ANO1: variants seen among roughly 807,000 people sequenced by gnomAD.
ANO1 encodes anoctamin 1, also known as anoctamin-1.
A neutral mutation model predicts 124.0 loss-of-function variants in ANO1; 59 were observed. The ratio of observed to expected loss-of-function variants is 0.48; its 90% CI spans 0.39 to 0.59. ANO1 has a LOEUF of 0.59. ANO1 is among the 20% of genes least tolerant of loss of function. The pLI, the probability that ANO1 is intolerant of heterozygous loss-of-function variation, is 0.00. For synonymous variants in ANO1, 529 were observed against 532.0 expected (o/e 0.99, Z 0.08); for missense variants, 1,059 against 1,328.0 (o/e 0.80, Z 3.15).
rs143216808 is a variant in ANO1 at position 70,120,363 on chromosome 11, C to T, written c.897+3864C>T. ...GAACCCCAGGTGAGCAAGGCACGCC[C>T]CCAGAGCTGTCTTTGGATGTGCAGA... On this transcript the variant is annotated intron_variant, in intron 8 of 25. Coordinates refer to ENST00000355303, the MANE Select transcript of ANO1 (RefSeq NM_018043.7). 8.4e-4 allele frequency among the ~76,000 whole-genome samples: 128 copies of T among 152,234 alleles called. 2 individuals carry two copies. The East Asian group carries it at 0.023, about 28-fold the overall frequency.
the ANO1 span, among the ~76,000 whole-genome samples, chr11:69,967,881 C>G: frequency 6.6e-6 from 1 of 152,210 alleles, no homozygotes; most frequent in Non-Finnish European, 1.5e-5. Context: ...GGGTAGTTCA[C>G]TCCCCTCTCT....
At chr11:70,110,725 A>G (rs2045743102) in intron 6 of ANO1, among the ~76,000 whole-genome samples, 1 of 152,110 alleles carries the variant, frequency 6.6e-6, no homozygotes, top group South Asian at 2.1e-4. Flanking sequence ...ACTGCCTAGG[A>G]AGCCTCTTCA....
intron 1 of ANO1, among the ~76,000 whole-genome samples, chr11:70,005,536 C>T (rs529007746): frequency 6.6e-6 from 1 of 152,318 alleles, no homozygotes; most frequent in African/African-American, 2.4e-5. Flanking sequence ...AACATGGCCT[C>T]ATTGTTGATC....
In ANO1 at chr11:70,078,660, C is replaced by T. The variant is rs2044103432; in HGVS notation, c.54C>T (p.His18=). The change falls in exon 1 of 26, where the codon CAC becomes CAT. Residue 18 remains histidine (H), a synonymous_variant. Coordinates refer to ENST00000355303, the MANE Select transcript of ANO1 (RefSeq NM_018043.7). ...TCCCGGCCGAGGACCGCAGCGTCCA[C>T]ATCATCAACATCTGCGCCATCGAGG... The part of the protein sequence containing the change: ...STLPAEDRSV[H]IINICAIEDI... 1.3e-6 allele frequency: 2 copies of T among 1,501,068 alleles called. No individual in the cohort carries two copies. The highest frequency in any genetic ancestry group is 1.8e-6 in the Non-Finnish European group (2 of 1,114,580). The allele number at this position is 1,501,068 out of a possible 1,614,324, so 93.0% of individuals were successfully genotyped here.
At chr11:70,058,613 C>A (rs985648744) in intron 1 of ANO1, among the ~76,000 whole-genome samples, 1 of 152,180 alleles carries the variant, frequency 6.6e-6, no homozygotes, top group Non-Finnish European at 1.5e-5. Flanking sequence ...GTGTCTGGAA[C>A]AAGGTTGGGG....
At chr11:70,033,415 A>G (rs1857039182) in intron 1 of ANO1, among the ~76,000 whole-genome samples, 2 of 152,134 alleles carry the variant, frequency 1.3e-5, no homozygotes, top group African/African-American at 4.8e-5. Flanking sequence ...ACTCCTGCCT[A>G]TGAGGGTCTG....
intron 1 of ANO1, among the ~76,000 whole-genome samples, chr11:70,044,059 G>T (rs1196930557): frequency 2.0e-5 from 3 of 151,926 alleles, no homozygotes; most frequent in African/African-American, 4.8e-5. Flanking sequence ...AGGAAGGAGA[G>T]AAATGGAAGT....
At chr11:70,156,836 G>A (rs2047834505) in intron 15 of ANO1, 111 bp from the exon 16 acceptor site, 1 of 902,580 alleles carries the variant, frequency 1.1e-6, no homozygotes, top group South Asian at 1.6e-5. Context: ...TATTTCTGTT[G>A]TTCAAGTTGT....
chr11:70,071,301 A>G (rs1239328343), intron 1 of ANO1, among the ~76,000 whole-genome samples: 1 of 152,254 alleles, frequency 6.6e-6, no homozygotes, highest in Non-Finnish European at 1.5e-5. Context: ...ATGAGCCCAC[A>G]GGTTACAAAG....
At chr11:70,174,289 A>G (rs1234664692) in intron 22 of ANO1, among the ~76,000 whole-genome samples, 1 of 150,362 alleles carries the variant, frequency 6.7e-6, no homozygotes, top group African/African-American at 2.4e-5. Flanking sequence ...CCAGCTACTC[A>G]GGAGGCTGAG....
chr11:70,076,492 G>C (rs115995847), upstream of ANO1, among the ~76,000 whole-genome samples: 2 of 151,710 alleles, frequency 1.3e-5, no homozygotes, highest in African/African-American at 4.8e-5. Context: ...GTTGGCACTC[G>C]AACACAAATT....
chr11:70,178,767 T>C (rs1318925189), intron 22 of ANO1, among the ~76,000 whole-genome samples: 1 of 152,248 alleles, frequency 6.6e-6, no homozygotes, highest in Non-Finnish European at 1.5e-5. Flanking sequence ...TTTTGCCATA[T>C]TGGCGAGGCT....
chr11:69,999,909 AG>A (rs782678439), intron 1 of ANO1, among the ~76,000 whole-genome samples: 17 of 152,096 alleles, frequency 1.1e-4, no homozygotes, highest in Non-Finnish European at 8.8e-5. Flanking sequence ...TGAGAGTACT[AG>A]GGGTTTCCCT....
intron 2 of ANO1, among the ~76,000 whole-genome samples, chr11:70,091,478 A>G (rs2044622421): frequency 6.6e-6 from 1 of 152,160 alleles, no homozygotes; most frequent in South Asian, 2.1e-4. Flanking sequence ...CAAGTTGTGA[A>G]AGCAAACCAG....
At chr11:70,049,128 G>T (rs1857308401) in intron 1 of ANO1, among the ~76,000 whole-genome samples, 1 of 152,160 alleles carries the variant, frequency 6.6e-6, no homozygotes, top group Non-Finnish European at 1.5e-5. Context: ...AATCTAAGAT[G>T]CATAAAGATG....
At chr11:70,051,402 A>G (rs1190840467) in intron 1 of ANO1, among the ~76,000 whole-genome samples, 3 of 152,234 alleles carry the variant, frequency 2.0e-5, no homozygotes, top group Non-Finnish European at 4.4e-5. Context: ...CCTATGTAAC[A>G]GTGAAATTTC....
At chr11:70,073,038 GC>G (rs782301176) in intron 1 of ANO1, 1 of 152,266 alleles carries the variant, frequency 6.6e-6, no homozygotes, top group East Asian at 1.9e-4. Context: ...GAAGCCGCCC[GC>G]CTCTGCGAGA....
At chr11:70,063,767 G>A (rs1453945691) in intron 1 of ANO1, 2 of 152,318 alleles carry the variant, frequency 1.3e-5, no homozygotes, top group Admixed American at 1.3e-4. Flanking sequence ...GACATGAAGG[G>A]ACACGCCTCA....
At chr11:69,999,120 G>A (rs1006640278) in intron 1 of ANO1, among the ~76,000 whole-genome samples, 1 of 151,998 alleles carries the variant, frequency 6.6e-6, no homozygotes, top group African/African-American at 2.4e-5. Context: ...AGGTTGAATT[G>A]GCTCACGGTT....
Sources: allele counts gnomAD v4.1 joint callset (sites outside exome capture counted in the v4.1 genomes callset), GRCh38; gene constraint gnomAD v4.1.1; transcripts MANE v1.5; gene names NCBI Gene and HGNC (gene_info 2026-07-23, HGNC 2026-07-21).